ZNF366: variants seen among roughly 807,000 people sequenced by gnomAD.
ZNF366 encodes zinc finger protein 366.
A neutral mutation model predicts 47.2 loss-of-function variants in ZNF366; 20 were observed. The ratio of observed to expected loss-of-function variants is 0.42; its 90% confidence interval spans 0.30 to 0.62. ZNF366 has a LOEUF of 0.62. Ranked by LOEUF, ZNF366 falls within the 20% of genes least tolerant of loss-of-function variation. The pLI is 0.16. For synonymous variants in ZNF366, 421 were observed against 395.1 expected, an observed-to-expected ratio of 1.07 and a Z score of -0.78; for missense variants, 987 against 976.3, an observed-to-expected ratio of 1.01 and a Z score of -0.15.
At chr5:72,455,791 G>A (rs542702397) in intron 3 of ZNF366, among the ~76,000 whole-genome samples, 1 of 152,318 alleles carries the variant, frequency 6.6e-6, no homozygotes, top group South Asian at 2.1e-4. Context: ...ATAGGTGAAA[G>A]GCACTTGAAG....
chr5:72,444,365 C>G (rs950356135), intron 4 of ZNF366, 74 bp from the exon 5 acceptor site: 1 of 1,506,846 alleles, frequency 6.6e-7, no homozygotes, highest in South Asian at 1.3e-5. Flanking sequence ...AGGGGAGCAG[C>G]CCGGGGCCGT....
intron 2 of ZNF366, among the ~76,000 whole-genome samples, chr5:72,458,006 ATCTT>A (rs1743224573): frequency 7.0e-6 from 1 of 142,178 alleles, no homozygotes; most frequent in Non-Finnish European, 1.5e-5. Flanking sequence ...TTATTTTAGC[ATCTT>A]TCTTTTTTTT....
chr5:72,463,956 A>T (rs903928057), intron 1 of ZNF366, among the ~76,000 whole-genome samples: 1 of 152,220 alleles, frequency 6.6e-6, no homozygotes, highest in African/African-American at 2.4e-5. Flanking sequence ...TTTGGAACAC[A>T]GTCGGTTTAT....
intron 1 of ZNF366, among the ~76,000 whole-genome samples, chr5:72,497,258 T>C (rs1561205731): frequency 6.6e-6 from 1 of 152,200 alleles, no homozygotes; most frequent in Non-Finnish European, 1.5e-5. Context: ...CCTATAGAAA[T>C]ATTAAAGTTC....
At chr5:72,491,266 A>G (rs1363995738) in intron 1 of ZNF366, among the ~76,000 whole-genome samples, 2 of 152,234 alleles carry the variant, frequency 1.3e-5, no homozygotes, top group South Asian at 2.1e-4. Flanking sequence ...TTATCTGACA[A>G]CTTTGGGAAC....
In ZNF366 at chr5:72,461,185, G is replaced by A; in HGVS notation, c.312C>T (p.Asn104=). The change falls in exon 2 of 5, where the codon AAC becomes AAT. Residue 104 remains asparagine (N), a synonymous_variant. Transcript: ENST00000318442. ...EVTLALHSEE[N]KNHGLPNLPL... ...GGAGGTTGGGAAGGCCGTGGTTTTTGTTCTCCTCTGAGTGGAGGGCGAGGG... is the reference window on the plus strand; with the variant it reads ...GGAGGTTGGGAAGGCCGTGGTTTTTATTCTCCTCTGAGTGGAGGGCGAGGG... 1 of 1,614,172 alleles carries A rather than the reference G, an allele frequency of 6.2e-7. No homozygotes were observed. Among genetic ancestry groups the A allele is most frequent in the South Asian group, 1.1e-5 (1 of 91,084 alleles).
chr5:72,452,626 G>A (rs1272471255), intron 3 of ZNF366, among the ~76,000 whole-genome samples: 1 of 152,254 alleles, frequency 6.6e-6, no homozygotes, highest in East Asian at 1.9e-4. Context: ...TCTGCAGGGA[G>A]ATCTCATCCC....
chr5:72,504,051 A>T (rs1744268428), intron 1 of ZNF366, among the ~76,000 whole-genome samples: 1 of 151,944 alleles, frequency 6.6e-6, no homozygotes. Context: ...ACACATGCAC[A>T]CACGCACGCA....
intron 1 of ZNF366, among the ~76,000 whole-genome samples, chr5:72,469,759 T>C (rs575033664): frequency 2.7e-4 from 41 of 152,174 alleles, no homozygotes; most frequent in Non-Finnish European, 4.6e-4. Context: ...TGCAAAATCA[T>C]CTGGAGCCTG....
At chr5:72,480,050 T>C (rs775100471) in intron 1 of ZNF366, among the ~76,000 whole-genome samples, 1 of 152,252 alleles carries the variant, frequency 6.6e-6, no homozygotes, top group Non-Finnish European at 1.5e-5. Context: ...AAGGCTCATC[T>C]AAGGCAGAAT....
Position 72,507,323 on chromosome 5 carries a change from C to T in ZNF366, c.-87G>A, listed in dbSNP as rs372993849. 1.6e-4 allele frequency: 161 copies of T among 985,222 alleles called. 2 individuals carry two copies. In the South Asian group the frequency reaches 6.5e-3, roughly 40 times the overall value. The allele number at this position is 985,222 out of a possible 1,614,324, so 61.0% of individuals were successfully genotyped here. On this transcript the variant is annotated 5_prime_UTR_variant, in exon 1 of 5. Coordinates refer to ENST00000318442, the MANE Select transcript of ZNF366 (RefSeq NM_152625.3). The stretch of plus-strand genomic sequence containing the variant: ...ATCCCTGCTCTCTCTGTCTCTCTCC[C>T]TCTCTCTCTCCCTCTTTCTCTTGTG...
intron 1 of ZNF366, among the ~76,000 whole-genome samples, chr5:72,484,441 G>A (rs1404713366): frequency 1.4e-5 from 2 of 145,312 alleles, no homozygotes; most frequent in African/African-American, 2.5e-5. Context: ...CCGAGATCCC[G>A]CCACTGCACT....
chr5:72,460,146 A>ACCTTC lies in ZNF366; in HGVS notation c.1332+18_1332+19insGAAGG. On this transcript the variant is annotated intron_variant, in intron 2 of 4. Transcript: ENST00000318442. Reference sequence around the variant, plus strand: ...CTCTTCCCAAGGCCCCGTCCGCCCCACCAGAGGCCCCGCAGTACCTTGTGG... The same window carrying ACCTTC: ...CTCTTCCCAAGGCCCCGTCCGCCCCACCTTCCCAGAGGCCCCGCAGTACCTTGTGG... The ACCTTC allele has an allele frequency of 6.2e-7, 1 of 1,609,876 alleles. No individual in the cohort carries two copies. Among genetic ancestry groups the ACCTTC allele is most frequent in the Non-Finnish European group, 8.5e-7 (1 of 1,177,594 alleles).
At chr5:72,454,326 C>T (rs1743137412) in intron 3 of ZNF366, among the ~76,000 whole-genome samples, 1 of 152,186 alleles carries the variant, frequency 6.6e-6, no homozygotes, top group Non-Finnish European at 1.5e-5. Context: ...TCCATAGCAC[C>T]TTGCAGTTTC....
At chr5:72,474,723 G>A (rs1297900699) in intron 1 of ZNF366, among the ~76,000 whole-genome samples, 2 of 151,930 alleles carry the variant, frequency 1.3e-5, no homozygotes, top group African/African-American at 4.8e-5. Flanking sequence ...CTTATTCTTT[G>A]TGTGTGCATT....
intron 1 of ZNF366, among the ~76,000 whole-genome samples, chr5:72,481,972 A>C (rs1409016781): frequency 2.0e-5 from 3 of 152,128 alleles, no homozygotes; most frequent in Admixed American, 6.5e-5. Flanking sequence ...AAGATATGAG[A>C]GTTTTAAAGT....
chr5:72,506,436 G>A (rs902851729), intron 1 of ZNF366, among the ~76,000 whole-genome samples: 59 of 152,078 alleles, frequency 3.9e-4, no homozygotes, highest in African/African-American at 1.3e-3. Context: ...AGCTTGCTAC[G>A]CCCTATTTGG....
intron 4 of ZNF366, among the ~76,000 whole-genome samples, chr5:72,445,847 A>AC (rs1742948880): frequency 6.6e-6 from 1 of 152,260 alleles, no homozygotes; most frequent in Admixed American, 6.5e-5. Flanking sequence ...TGCAGGAAAA[A>AC]TAAAATTGTT....
chr5:72,456,321 AAC>A (rs1322187007), intron 3 of ZNF366, 81 bp downstream of exon 3: 2 of 1,468,790 alleles, frequency 1.4e-6, no homozygotes, highest in East Asian at 4.6e-5. Context: ...CCACTGATGA[AAC>A]AGAGTAGAAG....
Sources: allele counts gnomAD v4.1 joint callset (sites outside exome capture counted in the v4.1 genomes callset), GRCh38; gene constraint gnomAD v4.1.1; transcripts MANE v1.5; gene names NCBI Gene and HGNC (gene_info 2026-07-23, HGNC 2026-07-21).